The following CADM1 variants were observed in gnomAD, a reference collection of about 807,000 sequenced individuals.
The protein encoded by CADM1 is cell adhesion molecule 1.
In CADM1, 15 loss-of-function variants were observed where a neutral mutation model predicts 53.1. The observed-to-expected ratio is 0.28, with a 90% confidence interval of 0.19 to 0.44. The LOEUF is 0.44. Ranked by LOEUF, CADM1 falls within the 20% of genes least tolerant of loss-of-function variation. The probability of loss-of-function intolerance (pLI) is 1.00; values close to 1 mark genes in which losing one functional copy is unlikely to be tolerated. For synonymous variants in CADM1, 281 were observed against 243.0 expected (o/e 1.16, Z -1.45); for missense variants, 434 against 611.3 (o/e 0.71, Z 3.06).
chr11:115,305,577 G>T (rs1221553236), intron 1 of CADM1, among the ~76,000 whole-genome samples: 1 of 151,846 alleles, frequency 6.6e-6, no homozygotes, highest in Non-Finnish European at 1.5e-5. Flanking sequence ...TAGAGCATTG[G>T]CTGGCCACAA....
intron 1 of CADM1, among the ~76,000 whole-genome samples, chr11:115,394,040 A>C (rs1946920434): frequency 6.6e-6 from 1 of 152,214 alleles, no homozygotes; most frequent in African/African-American, 2.4e-5. Flanking sequence ...AGGTAGAGTA[A>C]TCATTTTGAC....
chr11:115,202,476 T>C (rs948679759), intron 8 of CADM1, among the ~76,000 whole-genome samples: 12 of 152,166 alleles, frequency 7.9e-5, no homozygotes, highest in African/African-American at 2.7e-4. Context: ...TGCTTTACAA[T>C]GCGCAGACTG....
At chr11:115,447,491 T>C (rs1045902882) in intron 1 of CADM1, among the ~76,000 whole-genome samples, 1 of 152,182 alleles carries the variant, frequency 6.6e-6, no homozygotes, top group Non-Finnish European at 1.5e-5. Context: ...TCTGTGAAAA[T>C]GGATCTGGGC....
chr11:115,351,266 C>G (rs1011016085), intron 1 of CADM1, among the ~76,000 whole-genome samples: 3 of 152,184 alleles, frequency 2.0e-5, no homozygotes, highest in Non-Finnish European at 4.4e-5. Flanking sequence ...TCTCCTTCTT[C>G]TTCAATATCT....
chr11:115,286,282 C>T (rs1943726681), intron 1 of CADM1, among the ~76,000 whole-genome samples: 1 of 152,080 alleles, frequency 6.6e-6, no homozygotes, highest in Admixed American at 6.6e-5. Flanking sequence ...TAATATAATA[C>T]TACAGTATAA....
rs866546649 is a variant in CADM1, at chr11:115,171,115, G to A, written c.*5359C>T. 2.9e-4 allele frequency: 44 copies of A among 152,242 alleles called. No individual in the cohort carries two copies. The highest frequency in any genetic ancestry group is 1.0e-3 in the African/African-American group (42 of 41,550). The allele number at this position is 152,242 out of a possible 1,614,324, so 9.4% of individuals were successfully genotyped here. A position where few individuals can be genotyped will look rare whatever the true frequency, so the allele number is the denominator to read the frequency against. ...GTCCCTTCTTTCTTCTCCTGTACGG[G>A]GGGCCAGCGCTTCAAAAACTATACA... On this transcript the variant is annotated 3_prime_UTR_variant, in exon 12 of 12. Transcript: ENST00000331581.
chr11:115,285,166 G>A (rs1021877761), intron 1 of CADM1, among the ~76,000 whole-genome samples: 2 of 152,162 alleles, frequency 1.3e-5, no homozygotes, highest in Admixed American at 1.3e-4. Context: ...TACAGTCGAA[G>A]GACTCAGGAG....
At chr11:115,243,998 G>A (rs1021622299) in intron 1 of CADM1, among the ~76,000 whole-genome samples, 1 of 152,200 alleles carries the variant, frequency 6.6e-6, no homozygotes, top group African/African-American at 2.4e-5. Flanking sequence ...GTATATGGGT[G>A]AGGTTTAGAA....
At chr11:115,435,594 G>T (rs185995086) in intron 1 of CADM1, among the ~76,000 whole-genome samples, 8 of 152,022 alleles carry the variant, frequency 5.3e-5, no homozygotes, top group South Asian at 4.1e-4. Flanking sequence ...TTAGCTGGGC[G>T]TGACAGCTGG....
intron 1 of CADM1, among the ~76,000 whole-genome samples, chr11:115,287,818 T>C (rs1943771162): frequency 1.3e-5 from 2 of 152,232 alleles, no homozygotes; most frequent in Admixed American, 6.5e-5. Flanking sequence ...TACTGAGACG[T>C]ACTACATGCC....
intron 1 of CADM1, among the ~76,000 whole-genome samples, chr11:115,296,966 A>G (rs898886613): frequency 2.0e-5 from 3 of 152,234 alleles, no homozygotes; most frequent in Non-Finnish European, 4.4e-5. Context: ...CTGACTTTCT[A>G]CTGCCAATTT....
At chr11:115,327,708 T>G (rs1469203135) in intron 1 of CADM1, among the ~76,000 whole-genome samples, 2 of 152,140 alleles carry the variant, frequency 1.3e-5, no homozygotes, top group Admixed American at 1.3e-4. Context: ...CGGCACTATC[T>G]CCTACCAGCC....
chr11:115,277,593 C>T (rs1275842108), intron 1 of CADM1, among the ~76,000 whole-genome samples: 2 of 152,126 alleles, frequency 1.3e-5, no homozygotes, highest in African/African-American at 2.4e-5. Context: ...TCATAAAGTT[C>T]CTGCTCCAAA....
At chr11:115,487,308 T>C (rs1434377846) in intron 1 of CADM1, among the ~76,000 whole-genome samples, 1 of 152,250 alleles carries the variant, frequency 6.6e-6, no homozygotes, top group Non-Finnish European at 1.5e-5. Flanking sequence ...TTCGATCAGT[T>C]ATTCCATTAT....
rs1189849214 is a variant in CADM1 at position 115,173,965 on chromosome 11, T to G, written c.*2509A>C. On this transcript the variant is annotated 3_prime_UTR_variant, in exon 12 of 12. Transcript: ENST00000331581. ...GTGATCAACCTGTACAAAGTAATAC[T>G]CAACAATACATTTCAAACAGTGCAC... The G allele has an allele frequency of 2.1e-6, 2 of 962,940 alleles. No individual in the cohort carries two copies. The highest frequency in any genetic ancestry group is 2.5e-6 in the Non-Finnish European group (2 of 809,586). 59.6% of individuals were successfully genotyped at this position (962,940 alleles called of 1,614,324 possible).
Position 115,176,356 on chromosome 11 carries a change from C to T in CADM1, c.*118G>A. The T allele has an allele frequency of 6.3e-7, 1 of 1,587,970 alleles. No individual in the cohort carries two copies. The highest frequency in any genetic ancestry group is 1.7e-4 in the Middle Eastern group (1 of 5,806). The stretch of plus-strand genomic sequence containing the variant: ...AGCAAATCCCAAGCCTTCCCAGTCT[C>T]ACACCTTTCCACCCATTCATAAAAA... On this transcript the variant is annotated 3_prime_UTR_variant, in exon 12 of 12. Transcript: ENST00000331581.
At chr11:115,185,946 C>T (rs1565284446) in intron 10 of CADM1, among the ~76,000 whole-genome samples, 1 of 152,206 alleles carries the variant, frequency 6.6e-6, no homozygotes, top group Non-Finnish European at 1.5e-5. Flanking sequence ...AGTGTCCAAC[C>T]TGTAGAACTA....
At position 115,275,395 on chromosome 11, in the gene CADM1, A is replaced by G. The variant is rs146480660; in HGVS notation, c.125-34975T>C. 2.8e-3 allele frequency among the ~76,000 whole-genome samples: 422 copies of G among 152,284 alleles called. 2 individuals are homozygous for G. The highest frequency in any genetic ancestry group is 9.0e-3 in the African/African-American group (373 of 41,566). On this transcript the variant is annotated intron_variant, in intron 1 of 11. Coordinates refer to ENST00000331581, the MANE Select transcript of CADM1 (RefSeq NM_001301043.2). ...ACAACATCCTGCCCTTCCCCATCTT[A>G]GGACACATAAACTCGTAACATGCTT...
At chr11:115,220,323 T>C (rs998666055) in intron 5 of CADM1, among the ~76,000 whole-genome samples, 13 of 152,312 alleles carry the variant, frequency 8.5e-5, no homozygotes, top group African/African-American at 1.2e-4. Flanking sequence ...TTTAGTTAAA[T>C]GCTTTTTTAT....
Sources: allele counts gnomAD v4.1 joint callset (sites outside exome capture counted in the v4.1 genomes callset), GRCh38; gene constraint gnomAD v4.1.1; transcripts MANE v1.5; gene names NCBI Gene and HGNC (gene_info 2026-07-23, HGNC 2026-07-21).